TRERF1: variants seen among roughly 807,000 people sequenced by gnomAD.
The protein encoded by TRERF1 is transcriptional-regulating factor 1.
Under a neutral mutation model 122.9 loss-of-function variants are expected in TRERF1, and 27 were observed. The observed-to-expected ratio is 0.22, with a 90% CI of 0.16 to 0.30. The LOEUF (loss-of-function observed/expected upper bound fraction) is 0.30. TRERF1 is among the 10% of genes least tolerant of loss of function. The probability of loss-of-function intolerance (pLI) is 1.00; values close to 1 mark genes in which losing one functional copy is unlikely to be tolerated. For missense variants in TRERF1, 1,248 were observed against 1,560.3 expected (o/e 0.80, Z 3.37); for synonymous variants, 636 against 641.7 (o/e 0.99, Z 0.13).
At chr6:42,360,785 A>AC (rs1414405483) in intron 3 of TRERF1, among the ~76,000 whole-genome samples, 40 of 140,124 alleles carry the variant, frequency 2.9e-4, no homozygotes, top group African/African-American at 1.1e-3. Context: ...AAAAAAAAAA[A>AC]AAAAAAAAAA....
At chr6:42,321,997 T>C (rs2150466732) in intron 3 of TRERF1, among the ~76,000 whole-genome samples, 1 of 152,304 alleles carries the variant, frequency 6.6e-6, no homozygotes, top group South Asian at 2.1e-4. Context: ...AAAATGTAAA[T>C]GTTTTCAATC....
chr6:42,420,887 G>T (rs365387), intron 2 of TRERF1, among the ~76,000 whole-genome samples: 20,024 of 152,182 alleles, frequency 0.13, 1,942 homozygotes, highest in African/African-American at 0.28. Context: ...GTCCCTGACA[G>T]GGGGCCACCC....
intron 3 of TRERF1, among the ~76,000 whole-genome samples, chr6:42,315,391 C>T (rs1762301232): frequency 6.6e-6 from 1 of 152,202 alleles, no homozygotes; most frequent in Non-Finnish European, 1.5e-5. Flanking sequence ...CTCACAGAAG[C>T]ACATGCCAAG....
chr6:42,301,052 G>C (rs1056694127), intron 3 of TRERF1, among the ~76,000 whole-genome samples: 3 of 152,114 alleles, frequency 2.0e-5, no homozygotes, highest in Non-Finnish European at 4.4e-5. Flanking sequence ...GAGAGATATA[G>C]AGAGACAGAG....
intron 2 of TRERF1, among the ~76,000 whole-genome samples, chr6:42,364,939 T>C (rs574916742): frequency 1.1e-4 from 17 of 152,170 alleles, no homozygotes; most frequent in African/African-American, 3.4e-4. Flanking sequence ...GGGAGAGGGT[T>C]CTCTCTGGCC....
At chr6:42,315,149 C>T (rs1158604302) in intron 3 of TRERF1, among the ~76,000 whole-genome samples, 1 of 152,128 alleles carries the variant, frequency 6.6e-6, no homozygotes, top group East Asian at 1.9e-4. Flanking sequence ...TAGTGGTCTC[C>T]ACCTGGAGTG....
At chr6:42,438,079 AC>A (rs1785768675) in intron 2 of TRERF1, among the ~76,000 whole-genome samples, 1 of 151,484 alleles carries the variant, frequency 6.6e-6, no homozygotes, top group Non-Finnish European at 1.5e-5. Flanking sequence ...CCGCCACCAT[AC>A]CTGGCTAATT....
chr6:42,317,146 C>T (rs1054343826), intron 3 of TRERF1, among the ~76,000 whole-genome samples: 8 of 152,014 alleles, frequency 5.3e-5, no homozygotes, highest in Admixed American at 3.9e-4. Context: ...CAAAATTATC[C>T]GTAGAACACC....
chr6:42,331,464 T>C (rs1162286417), intron 3 of TRERF1, among the ~76,000 whole-genome samples: 1 of 152,172 alleles, frequency 6.6e-6, no homozygotes, highest in Admixed American at 6.5e-5. Flanking sequence ...ACTTTGCAGA[T>C]GTGCGAGTGG....
chr6:42,307,117 T>C (rs1011881152), intron 3 of TRERF1, among the ~76,000 whole-genome samples: 12 of 152,214 alleles, frequency 7.9e-5, no homozygotes, highest in Non-Finnish European at 8.8e-5. Context: ...TCTGAAGCAG[T>C]GCAGGCAGTT....
chr6:42,339,009 C>A (rs752969050), intron 3 of TRERF1, among the ~76,000 whole-genome samples: 5 of 152,204 alleles, frequency 3.3e-5, no homozygotes, highest in Non-Finnish European at 5.9e-5. Context: ...TTTTTCCCAG[C>A]CTTTCTTGCA....
At position 42,369,891 on chromosome 6, in the gene TRERF1, T is replaced by TAG. The variant is rs149380892; in HGVS notation, c.-453-6813_-453-6812insCT. Among the ~76,000 whole-genome samples, 1,229 of 152,304 alleles carry TAG rather than the reference T, an allele frequency of 8.1e-3. 22 individuals are homozygous for TAG. Among genetic ancestry groups the TAG allele is most frequent in the African/African-American group, 0.028 (1,158 of 41,550 alleles). On this transcript the variant is annotated intron_variant, in intron 2 of 17. Transcript: ENST00000372922. The stretch of plus-strand genomic sequence containing the variant: ...AAAACTTCTCCGTCTCCTCCTTCTC[T>TAG]AACTCCAGTTTCTGAAAGTCTCTTC...
At chr6:42,243,620 G>A (rs1370694734) in intron 14 of TRERF1, among the ~76,000 whole-genome samples, 4 of 147,918 alleles carry the variant, frequency 2.7e-5, no homozygotes, top group East Asian at 2.0e-4. Context: ...TTGCTCTGTC[G>A]CCCAGGCTGG....
intron 3 of TRERF1, among the ~76,000 whole-genome samples, chr6:42,306,226 T>C (rs139812217): frequency 5.8e-4 from 88 of 152,166 alleles, no homozygotes; most frequent in African/African-American, 1.9e-3. Flanking sequence ...GGTCTGGAAC[T>C]CCTGACCTCA....
At chr6:42,319,992 C>T (rs1323638214) in intron 3 of TRERF1, among the ~76,000 whole-genome samples, 3 of 151,836 alleles carry the variant, frequency 2.0e-5, no homozygotes, top group Non-Finnish European at 4.4e-5. Context: ...ACCTCTGCCT[C>T]CTGGGTTCAA....
intron 3 of TRERF1, among the ~76,000 whole-genome samples, chr6:42,348,035 G>A (rs541997067): frequency 6.6e-6 from 1 of 152,204 alleles, no homozygotes; most frequent in African/African-American, 2.4e-5. Context: ...GAGTAAATAG[G>A]AACCTTGCCA....
intron 2 of TRERF1, among the ~76,000 whole-genome samples, chr6:42,413,405 G>A (rs1781392222): frequency 1.3e-5 from 2 of 149,910 alleles, no homozygotes; most frequent in Non-Finnish European, 2.9e-5. Flanking sequence ...GGCCTCATTC[G>A]CACTTACTGG....
chr6:42,397,003 C>T (rs1778704166), intron 2 of TRERF1, among the ~76,000 whole-genome samples: 2 of 152,206 alleles, frequency 1.3e-5, no homozygotes, highest in Admixed American at 6.5e-5. Flanking sequence ...ATCTAGGCAT[C>T]TGGTTTTCAA....
chr6:42,232,996 C>T lies in TRERF1; in HGVS notation c.3067-104G>A. The T allele has an allele frequency of 6.9e-7, 1 of 1,444,446 alleles. No individual in the cohort carries two copies. Among genetic ancestry groups the T allele is most frequent in the East Asian group, 2.5e-5 (1 of 39,750 alleles). The allele number at this position is 1,444,446 out of a possible 1,614,324, so 89.5% of individuals were successfully genotyped here. A position where few individuals can be genotyped will look rare whatever the true frequency, so the allele number is the denominator to read the frequency against. ...TGGAATACTTGAAACTGTCTAATGA[C>T]AGGGCACAAGGGTTTTATATAAGCA... On this transcript the variant is annotated intron_variant, in intron 16 of 17. Coordinates refer to ENST00000372922, the Ensembl canonical transcript of TRERF1. The surrounding 1 kb of genome is among the most constrained non-coding windows in gnomAD (Gnocchi z 4.5).
Sources: allele counts gnomAD v4.1 joint callset (sites outside exome capture counted in the v4.1 genomes callset), GRCh38; gene constraint gnomAD v4.1.1; non-coding constraint Gnocchi (gnomAD v3.1); transcripts MANE v1.5; gene names NCBI Gene and HGNC (gene_info 2026-07-23, HGNC 2026-07-21).